The following HDLBP variants were observed in gnomAD, a reference collection of about 807,000 sequenced individuals.
HDLBP encodes the protein high density lipoprotein binding protein, also known as vigilin.
A neutral mutation model predicts 137.3 loss-of-function variants in HDLBP; 30 were observed. The observed-to-expected ratio is 0.22, with a 90% confidence interval of 0.16 to 0.30. The LOEUF (loss-of-function observed/expected upper bound fraction) is 0.30, where lower values mean the gene tolerates loss of function less well. HDLBP is among the 10% of genes least tolerant of loss of function. The pLI, the probability that HDLBP is intolerant of heterozygous loss-of-function variation, is 1.00. For synonymous variants in HDLBP, 606 were observed against 596.0 expected, an observed-to-expected ratio of 1.02 and a Z score of -0.24; for missense variants, 1,119 against 1,667.3, an observed-to-expected ratio of 0.67 and a Z score of 5.73.
intron 23 of HDLBP, among the ~76,000 whole-genome samples, chr2:241,234,550 C>A (rs1258361201): frequency 2.0e-5 from 3 of 152,220 alleles, no homozygotes; most frequent in African/African-American, 4.8e-5. Flanking sequence ...CAAACCAGCA[C>A]CCCAGCACAG....
At chr2:241,279,481 T>C (rs1281052973) in intron 1 of HDLBP, among the ~76,000 whole-genome samples, 1 of 152,166 alleles carries the variant, frequency 6.6e-6, no homozygotes, top group Non-Finnish European at 1.5e-5. Context: ...GCTTGCTCTC[T>C]CCAGTGTCAG....
intron 16 of HDLBP, among the ~76,000 whole-genome samples, chr2:241,243,307 G>C (rs909743862): frequency 2.6e-5 from 4 of 152,212 alleles, no homozygotes; most frequent in African/African-American, 9.7e-5. Flanking sequence ...CTCATATACT[G>C]ATACGCGTGA....
chr2:241,243,677 T>C (rs891562716), intron 16 of HDLBP: 5 of 152,330 alleles, frequency 3.3e-5, no homozygotes, highest in African/African-American at 4.8e-5. Flanking sequence ...TCCTCAGCAG[T>C]TTCAACTTTC....
In HDLBP at chr2:241,240,964, T is replaced by G. The variant is rs930535957; in HGVS notation, c.2170-842A>C. On this transcript the variant is annotated intron_variant, in intron 17 of 27. Transcript: ENST00000310931. The surrounding 1 kb of genome is among the most constrained non-coding windows in gnomAD (Gnocchi z 5.5). ...GCACAAAAATATTAAATAACAACTT[T>G]GCTACCTTTTAAGTGCAGGTTTCAC... is the stretch of plus-strand genomic sequence containing the variant. Among the ~76,000 whole-genome samples the G allele has an allele frequency of 6.6e-6, 1 of 152,168 alleles. No homozygotes were observed. Among genetic ancestry groups the G allele is most frequent in the Non-Finnish European group, 1.5e-5 (1 of 68,016 alleles).
chr2:241,231,240 C>T, intron 24 of HDLBP: 1 of 284,778 alleles, frequency 3.5e-6, no homozygotes, highest in Non-Finnish European at 6.8e-6. Flanking sequence ...CAATATTAGC[C>T]GGGCGTGGTG....
intron 2 of HDLBP, 26 bp downstream of exon 2, chr2:241,268,451 A>T (rs1177653193): frequency 2.0e-6 from 2 of 985,780 alleles, no homozygotes; most frequent in Non-Finnish European, 2.4e-6. Flanking sequence ...CAGGGACAGG[A>T]AGTCTTCAGA....
chr2:241,280,578 C>T (rs774009486), intron 1 of HDLBP, among the ~76,000 whole-genome samples: 1 of 152,142 alleles, frequency 6.6e-6, no homozygotes, highest in Non-Finnish European at 1.5e-5. Flanking sequence ...CTTTGATTCA[C>T]GTATTTCTAG....
At chr2:241,241,655 C>T (rs1559490797) in intron 17 of HDLBP, among the ~76,000 whole-genome samples, 1 of 146,554 alleles carries the variant, frequency 6.8e-6, no homozygotes, top group African/African-American at 2.5e-5. Flanking sequence ...TTAGCAGCCT[C>T]GTGAAGGTCA....
chr2:241,304,618 T>G (rs537081501), intron 1 of HDLBP, among the ~76,000 whole-genome samples: 2 of 152,296 alleles, frequency 1.3e-5, no homozygotes, highest in East Asian at 3.9e-4. Flanking sequence ...TGGTGAAAAA[T>G]AAATGCCAAT....
intron 1 of HDLBP, chr2:241,273,184 G>GCCCA: frequency 1.0e-6 from 1 of 985,478 alleles, no homozygotes; most frequent in Non-Finnish European, 1.2e-6. Context: ...CTCAAAGGAT[G>GCCCA]CCCACCACAT....
intron 1 of HDLBP, among the ~76,000 whole-genome samples, chr2:241,301,042 T>C (rs914205599): frequency 1.3e-5 from 2 of 151,216 alleles, no homozygotes; most frequent in Non-Finnish European, 2.9e-5. Context: ...AGTGGTGCCA[T>C]CTCTGCTCAC....
chr2:241,275,149 CTG>C (rs2074342382), intron 1 of HDLBP, among the ~76,000 whole-genome samples: 1 of 151,952 alleles, frequency 6.6e-6, no homozygotes, highest in Admixed American at 6.6e-5. Context: ...CTAGCCCAAA[CTG>C]AGATATTAAC....
intron 13 of HDLBP, 59 bp downstream of exon 13, chr2:241,248,185 C>A: frequency 6.4e-7 from 1 of 1,555,378 alleles, no homozygotes; most frequent in South Asian, 1.1e-5. Context: ...ATCAAATATT[C>A]CTGAAGTGTG....
intron 1 of HDLBP, among the ~76,000 whole-genome samples, chr2:241,311,085 G>A (rs2075743958): frequency 6.6e-6 from 1 of 151,930 alleles, no homozygotes; most frequent in Admixed American, 6.6e-5. Flanking sequence ...CCGCACTACA[G>A]CCTGAGCAAC....
In HDLBP at chr2:241,228,774, C is replaced by CA. The variant is rs745427510; in HGVS notation, c.*826dup. 2.0e-5 allele frequency: 3 copies of CA among 153,054 alleles called. No homozygotes were observed. Among genetic ancestry groups the CA allele is most frequent in the Admixed American group, 6.5e-5 (1 of 15,308 alleles). The allele number at this position is 153,054 out of a possible 1,614,324, so 9.5% of individuals were successfully genotyped here. ...GTGGTGTGAAGAAGAGCCCAGCTGT[C>CA]ATCTAAGGCAAACTGCCCCCACTGA... On this transcript the variant is annotated 3_prime_UTR_variant, in exon 28 of 28. Coordinates refer to ENST00000310931, the MANE Select transcript of HDLBP (RefSeq NM_005336.6).
intron 1 of HDLBP, among the ~76,000 whole-genome samples, chr2:241,280,786 T>G (rs1445317468): frequency 6.6e-6 from 1 of 152,212 alleles, no homozygotes; most frequent in African/African-American, 2.4e-5. Context: ...TTTGGGGCCT[T>G]TTCTGCAAGT....
chr2:241,309,881 G>T (rs1235630338), intron 1 of HDLBP, among the ~76,000 whole-genome samples: 1 of 152,178 alleles, frequency 6.6e-6, no homozygotes, highest in Admixed American at 6.5e-5. Context: ...TATTTCTCTG[G>T]GGAATCTGAA....
intron 1 of HDLBP, among the ~76,000 whole-genome samples, chr2:241,291,231 A>G (rs1206798414): frequency 6.6e-6 from 1 of 152,244 alleles, no homozygotes; most frequent in Non-Finnish European, 1.5e-5. Flanking sequence ...ATACACATTG[A>G]ACTGACTGAT....
intron 1 of HDLBP, among the ~76,000 whole-genome samples, chr2:241,297,061 C>T (rs1369236456): frequency 1.3e-5 from 2 of 152,240 alleles, no homozygotes; most frequent in Non-Finnish European, 2.9e-5. Flanking sequence ...GACTACTGTA[C>T]ATTAAATGAA....
Sources: allele counts gnomAD v4.1 joint callset (sites outside exome capture counted in the v4.1 genomes callset), GRCh38; gene constraint gnomAD v4.1.1; non-coding constraint Gnocchi (gnomAD v3.1); transcripts MANE v1.5; gene names NCBI Gene and HGNC (gene_info 2026-07-23, HGNC 2026-07-21).